Variants in SLIT3 observed in about 807,000 individuals in gnomAD.
SLIT3 encodes the protein slit guidance ligand 3, also known as slit homolog 3 protein.
A neutral mutation model predicts 184.0 loss-of-function variants in SLIT3; 68 were observed. The ratio of observed to expected loss-of-function variants is 0.37; its 90% CI spans 0.30 to 0.45. The LOEUF is 0.45. SLIT3 is among the 20% of genes least tolerant of loss of function. SLIT3 has a pLI of 1.00. For synonymous variants in SLIT3, 831 were observed against 828.6 expected (o/e 1.00, Z -0.05); for missense variants, 1,707 against 2,026.0 (o/e 0.84, Z 3.02).
chr5:168,962,531 C>G (rs1192923269), intron 4 of SLIT3, among the ~76,000 whole-genome samples: 1 of 151,652 alleles, frequency 6.6e-6, no homozygotes, highest in Non-Finnish European at 1.5e-5. Flanking sequence ...GATGAAAGGT[C>G]TTTGCTTAAG....
At chr5:168,667,659 C>G (rs1761099571) in intron 35 of SLIT3, 1 of 152,080 alleles carries the variant, frequency 6.6e-6, no homozygotes, top group Non-Finnish European at 1.5e-5. Context: ...CCTTGACAAG[C>G]AAGTCACAGT....
chr5:168,980,256 G>A (rs534038328), intron 4 of SLIT3, among the ~76,000 whole-genome samples: 1 of 152,136 alleles, frequency 6.6e-6, no homozygotes, highest in Non-Finnish European at 1.5e-5. Flanking sequence ...CTATGGAGTG[G>A]TGCCCGGGTT....
chr5:169,104,127 C>T (rs1320440206), intron 4 of SLIT3, among the ~76,000 whole-genome samples: 2 of 152,216 alleles, frequency 1.3e-5, no homozygotes, highest in East Asian at 3.9e-4. Context: ...CTTACCTCTC[C>T]TTCTCTGGGC....
At chr5:168,768,215 G>A (rs1244029661) in intron 14 of SLIT3, 3 of 520,920 alleles carry the variant, frequency 5.8e-6, no homozygotes. Flanking sequence ...TCCACCACAT[G>A]GTTAGATCAA....
At chr5:168,937,946 G>A (rs1374321455) in intron 4 of SLIT3, among the ~76,000 whole-genome samples, 2 of 151,910 alleles carry the variant, frequency 1.3e-5, no homozygotes, top group Admixed American at 6.6e-5. Flanking sequence ...AATACCTTAG[G>A]TGCAACTTCT....
At chr5:169,121,462 G>A (rs1760870083) in intron 4 of SLIT3, among the ~76,000 whole-genome samples, 1 of 152,096 alleles carries the variant, frequency 6.6e-6, no homozygotes, top group Non-Finnish European at 1.5e-5. Flanking sequence ...TATCCTGCCT[G>A]TCCTAAGTAT....
intron 12 of SLIT3, among the ~76,000 whole-genome samples, chr5:168,781,937 C>T (rs959804098): frequency 6.6e-6 from 1 of 152,146 alleles, no homozygotes; most frequent in African/African-American, 2.4e-5. Context: ...CAACACCTTC[C>T]TCTTAGCGTT....
intron 4 of SLIT3, among the ~76,000 whole-genome samples, chr5:168,905,888 G>T (rs1259875311): frequency 1.3e-5 from 2 of 152,116 alleles, no homozygotes; most frequent in Non-Finnish European, 2.9e-5. Context: ...AGAAGAAGGT[G>T]GTATCTCCCT....
At chr5:169,148,595 A>G (rs1005464940) in intron 4 of SLIT3, among the ~76,000 whole-genome samples, 1 of 152,220 alleles carries the variant, frequency 6.6e-6, no homozygotes, top group African/African-American at 2.4e-5. Context: ...AGGAATGGCC[A>G]AGCAGGCATA....
At chr5:169,063,014 T>C (rs748102901) in intron 4 of SLIT3, among the ~76,000 whole-genome samples, 5 of 152,250 alleles carry the variant, frequency 3.3e-5, no homozygotes, top group Non-Finnish European at 5.9e-5. Context: ...CTGTTCTTGT[T>C]TGAACTGTTT....
intron 4 of SLIT3, among the ~76,000 whole-genome samples, chr5:168,976,619 T>C (rs1027806671): frequency 2.0e-5 from 3 of 152,210 alleles, no homozygotes; most frequent in Non-Finnish European, 4.4e-5. Flanking sequence ...AAATGAATCA[T>C]CTGTCTATCT....
At position 169,023,151 on chromosome 5, in the gene SLIT3, T is replaced by A. The variant is rs142874385; in HGVS notation, c.414-139815A>T. ...ATTTTCATCATTTTGGATGTCTTTT[T>A]TAGGAATTGCATGAGTGTGTACATG... On this transcript the variant is annotated intron_variant, in intron 4 of 35. Coordinates refer to ENST00000519560, the MANE Select transcript of SLIT3 (RefSeq NM_003062.4). 5.1e-3 allele frequency among the ~76,000 whole-genome samples: 769 copies of A among 152,262 alleles called. 9 individuals are homozygous for A. Among genetic ancestry groups the A allele is most frequent in the Middle Eastern group, 0.01 (3 of 294 alleles).
At chr5:169,154,165 G>A (rs923787051) in intron 4 of SLIT3, among the ~76,000 whole-genome samples, 1 of 152,092 alleles carries the variant, frequency 6.6e-6, no homozygotes, top group Admixed American at 6.5e-5. Flanking sequence ...GTAGAGACGG[G>A]GTTTCACCGT....
At chr5:169,039,493 T>A (rs1757376729) in intron 4 of SLIT3, among the ~76,000 whole-genome samples, 1 of 151,892 alleles carries the variant, frequency 6.6e-6, no homozygotes, top group Non-Finnish European at 1.5e-5. Context: ...ATTTTTTGTA[T>A]TTTTTAGTAG....
chr5:168,760,622 G>A (rs1242905652), intron 16 of SLIT3, among the ~76,000 whole-genome samples: 1 of 152,100 alleles, frequency 6.6e-6, no homozygotes, highest in Non-Finnish European at 1.5e-5. Context: ...TCCAGGGAGG[G>A]GTCAGGGATG....
intron 1 of SLIT3, among the ~76,000 whole-genome samples, chr5:169,265,811 G>A (rs1766377185): frequency 6.6e-6 from 1 of 152,186 alleles, no homozygotes; most frequent in African/African-American, 2.4e-5. Flanking sequence ...CAGGCAAAAT[G>A]TGAGCACAAG....
At chr5:169,257,241 C>T (rs1765990488) in intron 1 of SLIT3, among the ~76,000 whole-genome samples, 1 of 152,120 alleles carries the variant, frequency 6.6e-6, no homozygotes, top group Admixed American at 6.5e-5. Context: ...ACACTGTCTT[C>T]TCTCATCTTG....
At chr5:168,932,789 C>T (rs1324649153) in intron 4 of SLIT3, among the ~76,000 whole-genome samples, 1 of 152,212 alleles carries the variant, frequency 6.6e-6, no homozygotes, top group Non-Finnish European at 1.5e-5. Context: ...CACATCTAAA[C>T]CACACTGTGC....
intron 13 of SLIT3, among the ~76,000 whole-genome samples, chr5:168,773,555 C>T (rs925333526): frequency 6.6e-6 from 1 of 152,144 alleles, no homozygotes; most frequent in African/African-American, 2.4e-5. Context: ...AGGCAACAAG[C>T]ACCAGATGAC....
Sources: gnomAD v4.1 joint callset for allele counts (sites outside exome capture counted in the v4.1 genomes callset) on GRCh38, gnomAD v4.1.1 for gene constraint, MANE v1.5 for transcripts, NCBI Gene and HGNC (gene_info 2026-07-23, HGNC 2026-07-21) for gene names.